NAALADL2: variants seen among roughly 807,000 people sequenced by gnomAD.
NAALADL2 encodes the protein N-acetylated alpha-linked acidic dipeptidase like 2.
Under a neutral mutation model 87.2 loss-of-function variants are expected in NAALADL2, and 76 were observed. The observed-to-expected ratio is 0.87, with a 90% CI of 0.72 to 1.05. NAALADL2 has a LOEUF of 1.05. Among genes scored for constraint, NAALADL2 ranks in the 50% least tolerant of loss-of-function variants. The pLI is 0.00. For synonymous variants in NAALADL2, 354 were observed against 331.0 expected, an observed-to-expected ratio of 1.07 and a Z score of -0.75; for missense variants, 1,089 against 945.8, an observed-to-expected ratio of 1.15 and a Z score of -1.99.
chr3:175,035,148 T>C (rs890472662), intron 1 of NAALADL2, among the ~76,000 whole-genome samples: 3 of 152,170 alleles, frequency 2.0e-5, no homozygotes, highest in Non-Finnish European at 1.5e-5. Flanking sequence ...TCTGTGGGGA[T>C]CTACTTGAAC....
chr3:175,118,693 A>G (rs1198894100), intron 2 of NAALADL2, among the ~76,000 whole-genome samples: 3 of 151,842 alleles, frequency 2.0e-5, no homozygotes, highest in Non-Finnish European at 4.4e-5. Context: ...TCTGCAATAG[A>G]GTTCTGGATC....
intron 1 of NAALADL2, among the ~76,000 whole-genome samples, chr3:175,037,671 A>AT (rs1753576799): frequency 6.6e-6 from 1 of 152,080 alleles, no homozygotes; most frequent in African/African-American, 2.4e-5. Context: ...CTCTGTCTAA[A>AT]TGGCCTCATG....
At chr3:175,657,705 C>T (rs940820722) in intron 11 of NAALADL2, among the ~76,000 whole-genome samples, 15 of 151,776 alleles carry the variant, frequency 9.9e-5, no homozygotes, top group Non-Finnish European at 1.8e-4. Context: ...CTCAGCCTCC[C>T]AAGTAGCTGG....
intron 2 of NAALADL2, among the ~76,000 whole-genome samples, chr3:174,677,178 T>C (rs1727111813): frequency 6.6e-6 from 1 of 151,988 alleles, no homozygotes; most frequent in African/African-American, 2.4e-5. Context: ...ATTTCCTTGC[T>C]TTTAACCATC....
At chr3:175,596,248 A>G (rs1409925901) in intron 10 of NAALADL2, among the ~76,000 whole-genome samples, 1 of 151,982 alleles carries the variant, frequency 6.6e-6, no homozygotes, top group Non-Finnish European at 1.5e-5. Context: ...AGAAGTCTGC[A>G]TAAGCTTTCC....
intron 11 of NAALADL2, among the ~76,000 whole-genome samples, chr3:175,650,177 A>G (rs1730569859): frequency 6.6e-6 from 1 of 152,170 alleles, no homozygotes; most frequent in African/African-American, 2.4e-5. Context: ...AACGTGGGTG[A>G]ACTTCAAAAA....
At position 174,892,727 on chromosome 3, in the gene NAALADL2, G is replaced by C. The variant is rs180894604; in HGVS notation, c.43+33277G>C. Among the ~76,000 whole-genome samples the C allele has an allele frequency of 7.2e-5, 11 of 151,828 alleles. No homozygotes were observed. The East Asian group carries it at 2.1e-3, about 30-fold the overall frequency. ...TTGCCTGAGCTCAGGAGTTCGAGAC[G>C]ACCCTGGGCATCATGGTGAAACCCC... On this transcript the variant is annotated intron_variant, in intron 1 of 13. Transcript: ENST00000454872.
chr3:175,632,646 A>G (rs1480864554), intron 11 of NAALADL2, among the ~76,000 whole-genome samples: 2 of 152,086 alleles, frequency 1.3e-5, no homozygotes, highest in Non-Finnish European at 2.9e-5. Context: ...GATAATTTTA[A>G]TAGTTCTATC....
chr3:175,307,434 G>A (rs1757855159), intron 4 of NAALADL2, among the ~76,000 whole-genome samples: 2 of 152,072 alleles, frequency 1.3e-5, no homozygotes, highest in Admixed American at 1.3e-4. Flanking sequence ...GAAATTGAGA[G>A]TAATAAAAAT....
chr3:175,303,335 T>TAAAA (rs1757316155), intron 4 of NAALADL2, among the ~76,000 whole-genome samples: 1 of 152,182 alleles, frequency 6.6e-6, no homozygotes, highest in Non-Finnish European at 1.5e-5. Context: ...TTTCCAAGGA[T>TAAAA]AAAACCTTGT....
chr3:175,412,845 G>C (rs1713784895), intron 5 of NAALADL2, among the ~76,000 whole-genome samples: 1 of 149,068 alleles, frequency 6.7e-6, no homozygotes, highest in Admixed American at 6.7e-5. Context: ...TTTTGGGTCA[G>C]ACTAATTTCT....
intron 13 of NAALADL2, among the ~76,000 whole-genome samples, chr3:175,766,638 T>C (rs1748721130): frequency 1.3e-5 from 2 of 152,350 alleles, no homozygotes; most frequent in South Asian, 4.1e-4. Flanking sequence ...TCCTTTATTT[T>C]ATCTGCTATT....
rs543323177 is a variant in NAALADL2, at chr3:174,492,845, A to T, written c.-184+51813A>T. Among the ~76,000 whole-genome samples the T allele has an allele frequency of 3.3e-5, 5 of 152,312 alleles. No individual in the cohort carries two copies. The East Asian group carries it at 7.7e-4, about 24-fold the overall frequency. On this transcript the variant is annotated intron_variant, in intron 1 of 3. Transcript: ENST00000434257. Reference sequence around the variant, plus strand: ...GACCACTTTCCTTTTCAAGTGAAGAACTGAAGCACCAGTTATTTAACCATT... The same window carrying T: ...GACCACTTTCCTTTTCAAGTGAAGATCTGAAGCACCAGTTATTTAACCATT...
intron 1 of NAALADL2, among the ~76,000 whole-genome samples, chr3:174,964,960 G>T (rs564062337): frequency 2.6e-5 from 4 of 151,946 alleles, no homozygotes; most frequent in Non-Finnish European, 5.9e-5. Flanking sequence ...GGAGGTGGTT[G>T]TATTACTTAT....
chr3:174,866,558 C>G (rs1727168329), intron 1 of NAALADL2, among the ~76,000 whole-genome samples: 1 of 151,666 alleles, frequency 6.6e-6, no homozygotes, highest in Non-Finnish European at 1.5e-5. Flanking sequence ...ATATATATAT[C>G]TTATAAGCTT....
chr3:175,311,875 G>A (rs951181674), intron 4 of NAALADL2, among the ~76,000 whole-genome samples: 2 of 151,960 alleles, frequency 1.3e-5, no homozygotes, highest in African/African-American at 2.4e-5. Flanking sequence ...TATTAATCTT[G>A]CTAGAATTAT....
chr3:175,095,758 C>T (rs921830991), intron 1 of NAALADL2, among the ~76,000 whole-genome samples: 4 of 151,978 alleles, frequency 2.6e-5, no homozygotes, highest in African/African-American at 9.7e-5. Flanking sequence ...CTTTGCCCAC[C>T]ACAGTGGGAC....
chr3:175,718,157 T>C lies in NAALADL2; in HGVS notation c.1897-19149T>C, dbSNP rs985343745. The C allele has an allele frequency of 8.6e-6, 10 of 1,168,720 alleles. No individual in the cohort carries two copies. The African/African-American group carries it at 1.5e-4, about 18-fold the overall frequency. The allele number at this position is 1,168,720 out of a possible 1,614,324, so 72.4% of individuals were successfully genotyped here. Reference sequence around the variant, plus strand: ...ATTTACTACTGTGGAAAATGAAGACTGATTAAATCGAATGGAGGGGAAGGG... The same window carrying C: ...ATTTACTACTGTGGAAAATGAAGACCGATTAAATCGAATGGAGGGGAAGGG... On this transcript the variant is annotated intron_variant, in intron 11 of 13. Transcript: ENST00000454872.
At chr3:175,527,361 G>A (rs1733560316) in intron 9 of NAALADL2, among the ~76,000 whole-genome samples, 2 of 152,112 alleles carry the variant, frequency 1.3e-5, no homozygotes, top group South Asian at 4.1e-4. Flanking sequence ...TGATGGACTG[G>A]TAATATCTTC....
Sources: gnomAD v4.1 joint callset for allele counts (sites outside exome capture counted in the v4.1 genomes callset) on GRCh38, gnomAD v4.1.1 for gene constraint, MANE v1.5 for transcripts, NCBI Gene and HGNC (gene_info 2026-07-23, HGNC 2026-07-21) for gene names.